The following GLG1 variants were observed in gnomAD, a reference collection of about 807,000 sequenced individuals.
GLG1 encodes Golgi apparatus protein 1.
In GLG1, 38 loss-of-function variants were observed where a neutral mutation model predicts 160.5. That is an observed-to-expected ratio of 0.24 (90% CI 0.18 to 0.31). The LOEUF is 0.31. Ranked by LOEUF, GLG1 falls within the 10% of genes least tolerant of loss-of-function variation. The pLI is 1.00. For missense variants in GLG1, 1,373 were observed against 1,505.2 expected (o/e 0.91, Z 1.45); for synonymous variants, 644 against 543.4 (o/e 1.19, Z -2.57).
chr16:74,530,384 C>T (rs1413908659), intron 2 of GLG1, among the ~76,000 whole-genome samples: 1 of 152,150 alleles, frequency 6.6e-6, no homozygotes, highest in Non-Finnish European at 1.5e-5. Context: ...CAGCCAACTT[C>T]TTCTGCAGAG....
At chr16:74,523,329 C>T (rs2017231935) in intron 2 of GLG1, among the ~76,000 whole-genome samples, 1 of 152,138 alleles carries the variant, frequency 6.6e-6, no homozygotes, top group South Asian at 2.1e-4. Flanking sequence ...TATGAATCTG[C>T]TTCTACCACA....
chr16:74,565,643 C>T (rs1057502072), intron 1 of GLG1, among the ~76,000 whole-genome samples: 2 of 152,202 alleles, frequency 1.3e-5, no homozygotes, highest in African/African-American at 2.4e-5. Flanking sequence ...CTGTATGTCA[C>T]TTTCCTTTTT....
chr16:74,483,009 T>A lies in GLG1; in HGVS notation c.1673+14A>T. Reference sequence around the variant, plus strand: ...GCTGAGGCAATACATTTACTTTGGCTTCAAAATACTCACTTCCAATCCCGG... The same window carrying A: ...GCTGAGGCAATACATTTACTTTGGCATCAAAATACTCACTTCCAATCCCGG... On this transcript the variant is annotated intron_variant, in intron 10 of 25. Transcript: ENST00000422840. 1 of 1,431,986 alleles carries A rather than the reference T, an allele frequency of 7.0e-7. No individual in the cohort carries two copies. The highest frequency in any genetic ancestry group is 1.1e-5 in the South Asian group (1 of 87,386). The allele number at this position is 1,431,986 out of a possible 1,614,324, so 88.7% of individuals were successfully genotyped here.
intron 2 of GLG1, among the ~76,000 whole-genome samples, chr16:74,519,239 A>G (rs1382008835): frequency 3.3e-5 from 5 of 152,072 alleles, no homozygotes; most frequent in Non-Finnish European, 5.9e-5. Flanking sequence ...ACAAGATCAG[A>G]AAACCAAGCA....
intron 5 of GLG1, 133 bp downstream of exon 5, chr16:74,496,308 G>C (rs2016183670): frequency 1.6e-6 from 1 of 640,160 alleles, no homozygotes; most frequent in Admixed American, 2.8e-5. Flanking sequence ...CTTCAGGTCA[G>C]AAGTTCGTGA....
chr16:74,449,949 T>C lies in GLG1; in HGVS notation c.*3218A>G, dbSNP rs2014222141. ...TCCCCATCTGTGGGAGAAGCTCCAT[T>C]GTGAACAGTTCGTCTTGTTCTTAAT... On this transcript the variant is annotated 3_prime_UTR_variant, in exon 26 of 26. Transcript: ENST00000422840. 6.6e-6 allele frequency: 1 copy of C among 152,268 alleles called. No individual in the cohort carries two copies. The highest frequency in any genetic ancestry group is 2.4e-5 in the African/African-American group (1 of 41,450). 9.4% of individuals were successfully genotyped at this position (152,268 alleles called of 1,614,324 possible).
chr16:74,562,552 C>T (rs143439366), intron 1 of GLG1, among the ~76,000 whole-genome samples: 1,848 of 152,240 alleles, frequency 0.012, 34 homozygotes, highest in African/African-American at 0.042. Context: ...CTCCACCTCC[C>T]GGGTTCAAGC....
At chr16:74,576,077 G>A (rs1232708116) in intron 1 of GLG1, among the ~76,000 whole-genome samples, 1 of 152,120 alleles carries the variant, frequency 6.6e-6, no homozygotes, top group African/African-American at 2.4e-5. Flanking sequence ...GAGGTTGCCT[G>A]TAATCCCAGC....
At chr16:74,554,879 G>A (rs945212590) in intron 1 of GLG1, among the ~76,000 whole-genome samples, 2 of 152,176 alleles carry the variant, frequency 1.3e-5, no homozygotes, top group South Asian at 2.1e-4. Flanking sequence ...AGCCAAACAT[G>A]GTGGCATGCA....
chr16:74,570,196 A>G (rs759784751), intron 1 of GLG1, among the ~76,000 whole-genome samples: 1 of 152,042 alleles, frequency 6.6e-6, no homozygotes, highest in African/African-American at 2.4e-5. Context: ...TACATCACCT[A>G]TTTCCTTCTA....
intron 8 of GLG1, among the ~76,000 whole-genome samples, chr16:74,488,050 G>A (rs1165826506): frequency 6.6e-6 from 1 of 152,168 alleles, no homozygotes; most frequent in Non-Finnish European, 1.5e-5. Context: ...CATGAACGAA[G>A]AGAATTTCAC....
At chr16:74,509,496 T>A (rs1164707593) in intron 2 of GLG1, among the ~76,000 whole-genome samples, 1 of 151,978 alleles carries the variant, frequency 6.6e-6, no homozygotes, top group Non-Finnish European at 1.5e-5. Flanking sequence ...ATCGGTTTCA[T>A]GGAGGAGAGT....
In GLG1 at chr16:74,496,568, T is replaced by C. The variant is rs772666561; in HGVS notation, c.851A>G (p.Lys284Arg). 1.2e-6 allele frequency: 2 copies of C among 1,613,678 alleles called. No homozygotes were observed. The highest frequency in any genetic ancestry group is 3.3e-5 in the Admixed American group (2 of 60,004). ...LVKEAEEREP[K>R]IQVSELCKKA... ...CTTGCAGAGTTCAGAAACTTGAATC[T>C]TGGGTTCTCTTTCTTCTGCTTCTTT... The change falls in exon 5 of 26, where the codon AAG becomes AGG. Residue 284 changes from lysine to arginine, a missense_variant. Physicochemically the swap from Lys to Arg is conservative, Grantham distance 26 (BLOSUM62 2). This residue lies in a region of GLG1 where 174 missense variants were observed against 229.9 expected (regional missense o/e 0.76). Transcript: ENST00000422840.
At chr16:74,478,062 A>C (rs984896354) in intron 11 of GLG1, among the ~76,000 whole-genome samples, 4 of 152,186 alleles carry the variant, frequency 2.6e-5, no homozygotes, top group Non-Finnish European at 5.9e-5. Context: ...CAATGCGATT[A>C]TACATATTCA....
chr16:74,582,541 C>T (rs917028771), intron 1 of GLG1, among the ~76,000 whole-genome samples: 17 of 152,126 alleles, frequency 1.1e-4, no homozygotes, highest in Admixed American at 1.1e-3. Flanking sequence ...CTGGGTTCTG[C>T]CGGGCGTGGG....
In GLG1 at chr16:74,457,874, G is replaced by A; in HGVS notation, c.3265C>T (p.Gln1089Ter). ...CAAITPGRGRQMSCLMEALED... is the reference protein window; with the variant it reads ...CAAITPGRGR Reference sequence around the variant, plus strand: ...ATCAAGAGTGAACACAGAGACTTACGACGCCCGCGGCCAGGGGTGATGGCT... The same window carrying A: ...ATCAAGAGTGAACACAGAGACTTACAACGCCCGCGGCCAGGGGTGATGGCT... Residue 1089 changes from glutamine to a stop codon, truncating the protein, a stop_gained and splice_region_variant, in exon 24 of 26, where the codon CAA (glutamine) becomes TAA (stop). Coordinates refer to ENST00000422840, the MANE Select transcript of GLG1 (RefSeq NM_001145667.2). LOFTEE classifies it high-confidence loss of function. 6.2e-7 allele frequency: 1 copy of A among 1,613,748 alleles called. No homozygotes were observed. Among genetic ancestry groups the A allele is most frequent in the Non-Finnish European group, 8.5e-7 (1 of 1,179,820 alleles).
rs397833752 is a variant in GLG1 at position 74,532,387 on chromosome 16, G to A, written c.439-234C>T. 1.9e-3 allele frequency among the ~76,000 whole-genome samples: 289 copies of A among 152,190 alleles called. 1 individual carries two copies. Among genetic ancestry groups the A allele is most frequent in the Non-Finnish European group, 2.8e-3 (193 of 68,002 alleles). ...TGAGACTTAACCCCTTCCCGATGGTGCAATGTGAAGATGGGGAGAATGGAG... is the reference window on the plus strand; with the variant it reads ...TGAGACTTAACCCCTTCCCGATGGTACAATGTGAAGATGGGGAGAATGGAG... On this transcript the variant is annotated intron_variant, in intron 1 of 25. Coordinates refer to ENST00000422840, the MANE Select transcript of GLG1 (RefSeq NM_001145667.2).
At position 74,463,498 on chromosome 16, in the gene GLG1, A is replaced by G. The variant is rs2143190264; in HGVS notation, c.2668-19T>C. On this transcript the variant is annotated intron_variant, in intron 19 of 25. Transcript: ENST00000422840. ...AGAACCTCTGCAAAGAAACAGTTTG[A>G]TAAAAACAGCTATCTAAACATGGCG... 2 of 1,612,882 alleles carry G rather than the reference A, an allele frequency of 1.2e-6. No homozygotes were observed. The highest frequency in any genetic ancestry group is 1.7e-6 in the Non-Finnish European group (2 of 1,179,360).
intron 1 of GLG1, among the ~76,000 whole-genome samples, chr16:74,561,989 G>A (rs2018525943): frequency 6.6e-6 from 1 of 152,192 alleles, no homozygotes; most frequent in African/African-American, 2.4e-5. Context: ...TCAGCTACCT[G>A]ATGGGTCATT....
Sources: allele counts gnomAD v4.1 joint callset (sites outside exome capture counted in the v4.1 genomes callset), GRCh38; gene constraint gnomAD v4.1.1; regional missense constraint gnomAD v4.1.1; transcripts MANE v1.5; gene names NCBI Gene and HGNC (gene_info 2026-07-23, HGNC 2026-07-21).